The following NOLC1 variants were observed in gnomAD, a reference collection of about 807,000 sequenced individuals.
The protein encoded by NOLC1 is 140 kDa nucleolar phosphoprotein.
In NOLC1, 37 loss-of-function variants were observed where a neutral mutation model predicts 73.4. The ratio of observed to expected loss-of-function variants is 0.50; its 90% CI spans 0.39 to 0.66. NOLC1 has a LOEUF of 0.66. NOLC1 is among the 30% of genes least tolerant of loss of function. The pLI is 0.00. For missense variants in NOLC1, 921 were observed against 838.9 expected (o/e 1.10, Z -1.21); for synonymous variants, 327 against 302.6 (o/e 1.08, Z -0.84).
Position 102,162,339 on chromosome 10 carries a change from A to T in NOLC1, c.*70A>T. ...CTTACTTTCTCCAGTGGACCTGGGA[A>T]CCCTCAGGTCTCTAGGTGAGGGTCT... On this transcript the variant is annotated 3_prime_UTR_variant, in exon 13 of 13. Coordinates refer to ENST00000605788, the MANE Select transcript of NOLC1 (RefSeq NM_004741.5). The T allele has an allele frequency of 1.3e-6, 2 of 1,538,472 alleles. No individual in the cohort carries two copies. The highest frequency in any genetic ancestry group is 2.4e-5 in the South Asian group (2 of 83,436).
Position 102,162,272 on chromosome 10 carries a change from T to C in NOLC1, c.*3T>C, listed in dbSNP as rs772656285. ...CTATTAAGTTTGACAGCGAGTGACC[T>C]GAGGCCATCTTCGGTGAAGCAAGGG... On this transcript the variant is annotated 3_prime_UTR_variant, in exon 13 of 13. Coordinates refer to ENST00000605788, the MANE Select transcript of NOLC1 (RefSeq NM_004741.5). 3.7e-6 allele frequency: 6 copies of C among 1,613,194 alleles called. No homozygotes were observed. The East Asian group carries it at 1.3e-4, about 36-fold the overall frequency.
Position 102,161,643 on chromosome 10 carries a change from C to T in NOLC1, c.1829C>T (p.Thr610Ile). Reference protein sequence around the residue: ...AKKIKLQTPNTFPKRKKGEKR... With the variant: ...AKKIKLQTPNIFPKRKKGEKR... Reference sequence around the variant, plus strand: ...AAGATAAAGCTTCAGACCCCTAACACATTTCCAAAAAGGAAGAAAGTAAGT... The same window carrying T: ...AAGATAAAGCTTCAGACCCCTAACATATTTCCAAAAAGGAAGAAAGTAAGT... The change falls in exon 11 of 13, where the codon ACA (threonine) becomes ATA (isoleucine). Residue 610 changes from threonine to isoleucine, a missense_variant. Thr to Ile is a moderately conservative substitution (Grantham distance 89). Transcript: ENST00000605788. 2 of 1,613,704 alleles carry T rather than the reference C, an allele frequency of 1.2e-6. No homozygotes were observed. Among genetic ancestry groups the T allele is most frequent in the Non-Finnish European group, 1.7e-6 (2 of 1,179,668 alleles).
chr10:102,161,472 T>C (rs1462711463), intron 10 of NOLC1, 84 bp from the exon 11 acceptor site: 3 of 942,842 alleles, frequency 3.2e-6, no homozygotes, highest in Non-Finnish European at 3.3e-6. Flanking sequence ...GCTCAAGCGA[T>C]CCTCCTACCT....
intron 10 of NOLC1, among the ~76,000 whole-genome samples, 192 bp from the exon 11 acceptor site, chr10:102,161,364 G>A (rs897921010): frequency 9.9e-5 from 15 of 151,940 alleles, no homozygotes; most frequent in African/African-American, 2.7e-4. Flanking sequence ...CTGAGTAGCC[G>A]GGACTACAAG....
rs369097465 is a variant in NOLC1 at position 102,159,268 on chromosome 10, A to T, written c.683A>T (p.Asp228Val). The change falls in exon 6 of 13, where the codon GAT becomes GTT. Residue 228 changes from aspartate (D) to valine (V), a missense_variant. Asp to Val is a radical substitution (Grantham distance 152). Transcript: ENST00000605788. ...SSSSSSSSSSDDSEEEKAAAT... is the reference protein window; with the variant it reads ...SSSSSSSSSSVDSEEEKAAAT... ...AGCAGCAGCAGCAGCAGTAGCAGTGATGACTCAGAGGAGGAGAAGGCAGCA... is the reference window on the plus strand; with the variant it reads ...AGCAGCAGCAGCAGCAGTAGCAGTGTTGACTCAGAGGAGGAGAAGGCAGCA... 6 of 1,613,976 alleles carry T rather than the reference A, an allele frequency of 3.7e-6. No individual in the cohort carries two copies. In the African/African-American group the frequency reaches 6.7e-5, roughly 18 times the overall value.
chr10:102,157,231 A>G lies in NOLC1; in HGVS notation c.219A>G (p.Pro73=). ...AGCGAAAGTTACAGGCAAATGGACC[A>G]GTGGCTAAGAAAGCTAAGAAGAAGG... ...VPERKLQANG[P]VAKKAKKKAS... is the part of the protein sequence containing the mutation. The change falls in exon 3 of 13, where the codon CCA becomes CCG. Residue 73 remains proline (P), a synonymous_variant. Transcript: ENST00000605788. The G allele has an allele frequency of 1.2e-6, 2 of 1,614,228 alleles. No individual in the cohort carries two copies. The highest frequency in any genetic ancestry group is 1.7e-6 in the Non-Finnish European group (2 of 1,180,030).
In NOLC1 at chr10:102,152,446, C is replaced by T. The variant is rs1466941934; in HGVS notation, c.36C>T (p.Ser12=). The change falls in exon 1 of 13, where the codon AGC becomes AGT. Residue 12 remains serine, a synonymous_variant. Transcript: ENST00000605788. The stretch of plus-strand genomic sequence containing the variant: ...CCGGCATTCGCCGCGTGGTTCCCAG[C>T]GACCTGTATCCCCTCGTGCTCGGCT... The part of the protein sequence containing the change: ...ADAGIRRVVP[S]DLYPLVLGFL... The T allele has an allele frequency of 1.9e-6, 3 of 1,612,840 alleles. No homozygotes were observed. The highest frequency in any genetic ancestry group is 1.3e-5 in the African/African-American group (1 of 74,958).
chr10:102,158,562 A>G (rs1235987409), intron 5 of NOLC1, among the ~76,000 whole-genome samples: 1 of 152,128 alleles, frequency 6.6e-6, no homozygotes, highest in Non-Finnish European at 1.5e-5. Flanking sequence ...TTACTCTTGT[A>G]TGTTCATTCT....
rs758952693 is a variant in NOLC1, at chr10:102,159,276, G to A, written c.691G>A (p.Glu231Lys). ...CAGCAGCAGTAGCAGTGATGACTCA[G>A]AGGAGGAGAAGGCAGCAGCCACCCC... ...SSSSSSSDDS[E>K]EEKAAATPKK... Residue 231 changes from glutamate to lysine, a missense_variant, in exon 6 of 13, where the codon GAG (glutamate) becomes AAG (lysine). Glu to Lys is a moderately conservative substitution (Grantham distance 56, BLOSUM62 1). Transcript: ENST00000605788. The A allele has an allele frequency of 1.2e-6, 2 of 1,614,130 alleles. No homozygotes were observed. The highest frequency in any genetic ancestry group is 2.2e-5 in the South Asian group (2 of 91,080).
chr10:102,160,699 G>A lies in NOLC1; in HGVS notation c.1347G>A (p.Ala449=), dbSNP rs149524427. 24 of 1,613,928 alleles carry A rather than the reference G, an allele frequency of 1.5e-5. No homozygotes were observed. Among genetic ancestry groups the A allele is most frequent in the Admixed American group, 3.3e-5 (2 of 59,988 alleles). Residue 449 remains alanine, a synonymous_variant, in exon 10 of 13, where the codon GCG becomes GCA. Transcript: ENST00000605788. ...TGGTGGCCACCACTAAGCCCAAGGCGACTGCCAAAGCAGCTCTATCTCTGC... is the reference window on the plus strand; with the variant it reads ...TGGTGGCCACCACTAAGCCCAAGGCAACTGCCAAAGCAGCTCTATCTCTGC... ...KKMVATTKPK[A]TAKAALSLPA...
rs1002518893 is a variant in NOLC1, at chr10:102,152,522, A to G, written c.112A>G (p.Thr38Ala). The G allele has an allele frequency of 3.7e-6, 6 of 1,613,682 alleles. No homozygotes were observed. In the African/African-American group the frequency reaches 8.0e-5, roughly 22 times the overall value. Reference protein sequence around the residue: ...SEVANKFAKATGATQQDANAS... With the variant: ...SEVANKFAKAAGATQQDANAS... ...GGTGGCCAATAAGTTCGCCAAAGCG[A>G]CAGGAGCTGTGAGTTCCGGGCTTGG... Residue 38 changes from threonine to alanine, a missense_variant, in exon 1 of 13, where the codon ACA becomes GCA. By Grantham distance (58) the Thr-to-Ala change is moderately conservative. Transcript: ENST00000605788.
chr10:102,160,848 G>T lies in NOLC1; in HGVS notation c.1496G>T (p.Gly499Val). Residue 499 changes from glycine to valine, a missense_variant, in exon 10 of 13, where the codon GGA becomes GTA. Coordinates refer to ENST00000605788, the MANE Select transcript of NOLC1 (RefSeq NM_004741.5). ...AVKKKPQKVA[G>V]GAAPSKPASA... ...AAGAAGAAGCCACAGAAGGTAGCAG[G>T]AGGTGCAGCCCCTTCCAAGCCAGCC... 1 of 1,614,130 alleles carries T rather than the reference G, an allele frequency of 6.2e-7. No individual in the cohort carries two copies. The highest frequency in any genetic ancestry group is 2.2e-5 in the East Asian group (1 of 44,882).
At chr10:102,158,315 G>C (rs1051019262) in intron 5 of NOLC1, 101 bp downstream of exon 5, 28 of 946,310 alleles carry the variant, frequency 3.0e-5, no homozygotes, top group Non-Finnish European at 3.9e-5. Flanking sequence ...GGTACTGTTT[G>C]TTGAACTGGA....
Position 102,160,908 on chromosome 10 carries a change from GTTC to G in NOLC1, c.1564_1566del (p.Ser522del), listed in dbSNP as rs751506147. ...AAAGGAAAGGCTGAGAGCAGCAACA[GTTC>G]TTCTTCTGATGACTCCAGTGAGGAA... On this transcript the variant is annotated inframe_deletion, in exon 10 of 13. Transcript: ENST00000605788. 1.0e-4 allele frequency: 161 copies of G among 1,614,210 alleles called. No homozygotes were observed. The highest frequency in any genetic ancestry group is 4.4e-4 in the African/African-American group (33 of 75,046).
chr10:102,153,138 C>T (rs1590372129), intron 1 of NOLC1, among the ~76,000 whole-genome samples: 1 of 152,192 alleles, frequency 6.6e-6, no homozygotes, highest in East Asian at 1.9e-4. Flanking sequence ...TGGGACCAGG[C>T]TCTGCCACTT....
At position 102,161,680 on chromosome 10, in the gene NOLC1, C is replaced by T. The variant is rs367969099; in HGVS notation, c.1848+18C>T. The T allele has an allele frequency of 6.9e-6, 11 of 1,600,208 alleles. No individual in the cohort carries two copies. Among genetic ancestry groups the T allele is most frequent in the Admixed American group, 6.7e-5 (4 of 59,496 alleles). On this transcript the variant is annotated intron_variant, in intron 11 of 12. Coordinates refer to ENST00000605788, the MANE Select transcript of NOLC1 (RefSeq NM_004741.5). Reference sequence around the variant, plus strand: ...GGAAGAAAGTAAGTTGTCTCACTTTCTTCTCAGGAGCCAGCTCTTTAAAAG... The same window carrying T: ...GGAAGAAAGTAAGTTGTCTCACTTTTTTCTCAGGAGCCAGCTCTTTAAAAG...
At position 102,161,576 on chromosome 10, in the gene NOLC1, C is replaced by G; in HGVS notation, c.1762C>G (p.Gln588Glu). ...TGTAGGTTCATTAAAGAAGCGGAAG[C>G]AGAATGAGGCTGCCAAGGAGGCAGA... ...SKSGSLKKRK[Q>E]NEAAKEAETP... Residue 588 changes from glutamine to glutamate, a missense_variant, in exon 11 of 13, where the codon CAG becomes GAG. Transcript: ENST00000605788. 1 of 1,613,824 alleles carries G rather than the reference C, an allele frequency of 6.2e-7. No individual in the cohort carries two copies. The highest frequency in any genetic ancestry group is 8.5e-7 in the Non-Finnish European group (1 of 1,179,790).
chr10:102,153,111 TCAAA>T (rs774174268), intron 1 of NOLC1, among the ~76,000 whole-genome samples: 2 of 152,172 alleles, frequency 1.3e-5, no homozygotes, highest in Non-Finnish European at 2.9e-5. Context: ...GCTAATTGAA[TCAAA>T]CAAACCTAGG....
At chr10:102,161,249 T>A (rs538501634) in intron 10 of NOLC1, among the ~76,000 whole-genome samples, 156 bp downstream of exon 10, 2 of 151,774 alleles carry the variant, frequency 1.3e-5, no homozygotes, top group African/African-American at 2.4e-5. Context: ...TTTTTTTTTT[T>A]TTATTAGAGT....
Sources: gnomAD v4.1 joint callset for allele counts (sites outside exome capture counted in the v4.1 genomes callset) on GRCh38, gnomAD v4.1.1 for gene constraint, MANE v1.5 for transcripts, NCBI Gene and HGNC (gene_info 2026-07-23, HGNC 2026-07-21) for gene names.